The following NPNT variants were observed in gnomAD, a reference collection of about 807,000 sequenced individuals.
NPNT encodes nephronectin, also known as preosteoblast EGF-like repeat protein with MAM domain.
NPNT carries 45 observed loss-of-function variants against 68.6 expected under a neutral mutation model. The observed-to-expected ratio is 0.66, with a 90% CI of 0.52 to 0.84. The LOEUF is 0.84. NPNT is among the 40% of genes least tolerant of loss of function. The probability of loss-of-function intolerance (pLI) is 0.00; values close to 1 mark genes in which losing one functional copy is unlikely to be tolerated. For missense variants in NPNT, 672 were observed against 714.8 expected, an observed-to-expected ratio of 0.94 and a Z score of 0.68; for synonymous variants, 233 against 253.3, an observed-to-expected ratio of 0.92 and a Z score of 0.76.
intron 3 of NPNT, among the ~76,000 whole-genome samples, chr4:105,933,629 T>C (rs10032388): frequency 0.9 from 137,633 of 152,198 alleles, 62,472 homozygotes; most frequent in East Asian, 1. Context: ...GGAGAAAGTC[T>C]AAATGTGTTA....
intron 3 of NPNT, among the ~76,000 whole-genome samples, chr4:105,931,174 A>G (rs921009799): frequency 2.0e-5 from 3 of 152,124 alleles, no homozygotes; most frequent in African/African-American, 7.2e-5. Flanking sequence ...GAAAAAAAAT[A>G]TTATTATAGA....
chr4:105,895,735 C>T lies in NPNT; in HGVS notation c.71+12C>T. ...GAGTTCGACGGGAGGTGAGCTGGGC[C>T]CCGGGGCGCCCTCTCCTCCTTCCCG... On this transcript the variant is annotated intron_variant, in intron 1 of 11. Transcript: ENST00000379987. 2 of 1,549,688 alleles carry T rather than the reference C, an allele frequency of 1.3e-6. No homozygotes were observed. Among genetic ancestry groups the T allele is most frequent in the South Asian group, 2.4e-5 (2 of 84,034 alleles).
chr4:105,939,966 G>A (rs1729801574), intron 5 of NPNT, 109 bp from the exon 6 acceptor site: 1 of 864,468 alleles, frequency 1.2e-6, no homozygotes, highest in Non-Finnish European at 1.8e-6. Flanking sequence ...CGTTTATGAT[G>A]AGCCACTATA....
At chr4:105,918,992 C>T (rs1004992327) in intron 2 of NPNT, among the ~76,000 whole-genome samples, 5 of 152,020 alleles carry the variant, frequency 3.3e-5, no homozygotes, top group African/African-American at 7.2e-5. Flanking sequence ...GCACATTTCC[C>T]GAGTGGTAGA....
chr4:105,895,968 C>T (rs1335919384), intron 1 of NPNT: 6 of 545,936 alleles, frequency 1.1e-5, no homozygotes, highest in Non-Finnish European at 2.0e-5. Flanking sequence ...CGACTCGCCC[C>T]GGCTCGGGAA....
At chr4:105,925,507 A>C (rs1728614929) in intron 2 of NPNT, among the ~76,000 whole-genome samples, 1 of 152,146 alleles carries the variant, frequency 6.6e-6, no homozygotes. Context: ...CATGCACATC[A>C]GTTTCGCAGG....
intron 2 of NPNT, among the ~76,000 whole-genome samples, chr4:105,899,402 T>C (rs1203485301): frequency 1.3e-5 from 2 of 152,194 alleles, no homozygotes; most frequent in Admixed American, 1.3e-4. Flanking sequence ...ATACTTCTGA[T>C]ACTACAGAAG....
At chr4:105,907,439 G>A (rs780503130) in intron 2 of NPNT, among the ~76,000 whole-genome samples, 10 of 152,172 alleles carry the variant, frequency 6.6e-5, no homozygotes, top group African/African-American at 9.6e-5. Context: ...AGAGACTAGC[G>A]TGAACCAAGA....
intron 10 of NPNT, among the ~76,000 whole-genome samples, chr4:105,966,165 A>C (rs1420835771): frequency 6.6e-6 from 1 of 152,158 alleles, no homozygotes; most frequent in African/African-American, 2.4e-5. Context: ...CATTCCAACC[A>C]TTTTTCTATG....
intron 2 of NPNT, among the ~76,000 whole-genome samples, chr4:105,914,779 C>T (rs1287589231): frequency 6.6e-6 from 1 of 151,862 alleles, no homozygotes; most frequent in Non-Finnish European, 1.5e-5. Context: ...CAGAAAAATG[C>T]ATTTAAAGCT....
rs1730054704 is a variant in NPNT at position 105,942,445 on chromosome 4, A to G, written c.902A>G (p.Tyr301Cys). Residue 301 changes from tyrosine (Y) to cysteine (C), a missense_variant, in exon 8 of 12, where the codon TAT becomes TGT. Physicochemically the swap from Tyr to Cys is radical, Grantham distance 194. Transcript: ENST00000379987. ...ACTTGGTGGCCTCCGAAGACACCAT[A>G]TATTCCTCCTATCATTACCAACAGG... is the stretch of plus-strand genomic sequence containing the variant. ...GSTWWPPKTP[Y>C]IPPIITNRPT... The G allele has an allele frequency of 1.2e-6, 2 of 1,613,938 alleles. No homozygotes were observed. Among genetic ancestry groups the G allele is most frequent in the Non-Finnish European group, 8.5e-7 (1 of 1,179,954 alleles).
rs1352487098 is a variant in NPNT, at chr4:105,970,965, A to C, written c.*1975A>C. 2 of 306,034 alleles carry C rather than the reference A, an allele frequency of 6.5e-6. No individual in the cohort carries two copies. Among genetic ancestry groups the C allele is most frequent in the Admixed American group, 4.3e-5 (1 of 23,488 alleles). The allele number at this position is 306,034 out of a possible 1,614,324, so 19.0% of individuals were successfully genotyped here. ...GCAGTATTAAAGAAAAAAGGAAACT[A>C]TTTATTCCAAATGAGAGTATGATGG... On this transcript the variant is annotated 3_prime_UTR_variant, in exon 12 of 12. Coordinates refer to ENST00000379987, the MANE Select transcript of NPNT (RefSeq NM_001033047.3).
At chr4:105,928,351 C>T (rs979820891) in intron 3 of NPNT, among the ~76,000 whole-genome samples, 4 of 152,078 alleles carry the variant, frequency 2.6e-5, no homozygotes, top group Non-Finnish European at 4.4e-5. Context: ...TGGTGGCTCA[C>T]ACCTGTAATC....
intron 8 of NPNT, among the ~76,000 whole-genome samples, chr4:105,958,076 G>T (rs888320096): frequency 7.2e-5 from 11 of 152,060 alleles, no homozygotes; most frequent in African/African-American, 2.7e-4. Context: ...TCCATCATAG[G>T]TATTTTCAGT....
chr4:105,954,873 C>T (rs1463123919), intron 8 of NPNT, among the ~76,000 whole-genome samples: 3 of 152,204 alleles, frequency 2.0e-5, no homozygotes, highest in Admixed American at 6.5e-5. Flanking sequence ...TTAAAGCACA[C>T]ATTACCTGGG....
intron 2 of NPNT, chr4:105,912,017 C>T: frequency 1.7e-6 from 1 of 582,308 alleles, no homozygotes; most frequent in South Asian, 2.0e-5. Flanking sequence ...AAAATGGTGA[C>T]TAAAATATTA....
intron 7 of NPNT, among the ~76,000 whole-genome samples, chr4:105,941,034 TCTG>T (rs925454869): frequency 1.2e-4 from 18 of 152,134 alleles, no homozygotes; most frequent in Admixed American, 2.0e-4. Context: ...TGCTCCTAAC[TCTG>T]CTATTAAAAA....
intron 6 of NPNT, 29 bp from the exon 7 acceptor site, chr4:105,940,485 G>GTCTCTTCT: frequency 1.3e-6 from 2 of 1,596,954 alleles, no homozygotes; most frequent in East Asian, 4.5e-5. Flanking sequence ...TCCTAAATAA[G>GTCTCTTCT]TCTCTTCTTT....
At chr4:105,896,385 T>C (rs1725846804) in intron 1 of NPNT, among the ~76,000 whole-genome samples, 1 of 152,026 alleles carries the variant, frequency 6.6e-6, no homozygotes, top group Admixed American at 6.5e-5. Flanking sequence ...CGGCGTGCTG[T>C]GACAGGTTCC....
Sources: gnomAD v4.1 joint callset for allele counts (sites outside exome capture counted in the v4.1 genomes callset) on GRCh38, gnomAD v4.1.1 for gene constraint, MANE v1.5 for transcripts, NCBI Gene and HGNC (gene_info 2026-07-23, HGNC 2026-07-21) for gene names.